PLEKHA7: variants seen among roughly 807,000 people sequenced by gnomAD.
The protein encoded by PLEKHA7 is pleckstrin homology domain containing A7, also known as pleckstrin homology domain-containing family A member 7.
PLEKHA7 carries 104 observed loss-of-function variants against 170.0 expected under a neutral mutation model. The ratio of observed to expected loss-of-function variants is 0.61; its 90% CI spans 0.52 to 0.72. The LOEUF is 0.72. Ranked by LOEUF, PLEKHA7 falls within the 30% of genes least tolerant of loss-of-function variation. The probability of loss-of-function intolerance (pLI) is 0.00; values close to 1 mark genes in which losing one functional copy is unlikely to be tolerated. For synonymous variants in PLEKHA7, 648 were observed against 660.8 expected, an observed-to-expected ratio of 0.98 and a Z score of 0.30; for missense variants, 1,615 against 1,671.7, an observed-to-expected ratio of 0.97 and a Z score of 0.59.
intron 4 of PLEKHA7, among the ~76,000 whole-genome samples, chr11:16,858,153 T>G (rs1853625774): frequency 6.6e-6 from 1 of 152,264 alleles, no homozygotes; most frequent in South Asian, 2.1e-4. Flanking sequence ...GAAAACCATT[T>G]GTAACACTTG....
chr11:16,793,269 A>T (rs1057083947), intron 19 of PLEKHA7, among the ~76,000 whole-genome samples: 3 of 152,242 alleles, frequency 2.0e-5, no homozygotes, highest in Admixed American at 6.5e-5. Context: ...GTTGGCAGCC[A>T]TCTGCCCCAG....
At chr11:17,004,759 A>G (rs564603265) in intron 3 of PLEKHA7, among the ~76,000 whole-genome samples, 36 of 152,328 alleles carry the variant, frequency 2.4e-4, no homozygotes, top group African/African-American at 8.7e-4. Context: ...AAAAAATGCA[A>G]TAATTATGGG....
At chr11:16,944,372 C>T (rs1457599278) in intron 3 of PLEKHA7, among the ~76,000 whole-genome samples, 12 of 143,344 alleles carry the variant, frequency 8.4e-5, no homozygotes, top group Middle Eastern at 7.7e-3. Flanking sequence ...ATAAGCCGGG[C>T]GCGGTGGCAC....
chr11:16,892,062 T>C (rs1856654500), intron 3 of PLEKHA7, among the ~76,000 whole-genome samples: 2 of 152,134 alleles, frequency 1.3e-5, no homozygotes, highest in Non-Finnish European at 2.9e-5. Context: ...TGCCTTCCAT[T>C]GGTGGAAGTT....
At chr11:17,012,350 T>C (rs969757199) in intron 3 of PLEKHA7, among the ~76,000 whole-genome samples, 1 of 152,238 alleles carries the variant, frequency 6.6e-6, no homozygotes, top group Non-Finnish European at 1.5e-5. Flanking sequence ...CCAGCCTTCC[T>C]GCTCCTTAAA....
chr11:16,816,139 G>C (rs1849734895), intron 12 of PLEKHA7, 39 bp downstream of exon 12: 2 of 1,519,602 alleles, frequency 1.3e-6, no homozygotes, highest in Non-Finnish European at 9.1e-7. Context: ...ATGTTGATGA[G>C]ATAGGGCTTT....
At chr11:16,803,441 C>T (rs1472011502) in intron 13 of PLEKHA7, 146 bp from the exon 14 acceptor site, 13 of 751,568 alleles carry the variant, frequency 1.7e-5, no homozygotes, top group Non-Finnish European at 2.8e-5. Flanking sequence ...AAACTTGGGC[C>T]ATACTTCGCT....
chr11:16,811,538 C>T (rs1309024151), intron 13 of PLEKHA7, among the ~76,000 whole-genome samples: 1 of 152,170 alleles, frequency 6.6e-6, no homozygotes, highest in Non-Finnish European at 1.5e-5. Flanking sequence ...GGGAACAACC[C>T]TGTCTGTCCC....
intron 3 of PLEKHA7, among the ~76,000 whole-genome samples, chr11:16,979,583 A>C (rs34207405): frequency 0.063 from 9,518 of 152,212 alleles, 439 homozygotes; most frequent in East Asian, 0.14. Context: ...AGCTCCCTGA[A>C]ACTAAAATTT....
intron 4 of PLEKHA7, among the ~76,000 whole-genome samples, chr11:16,858,653 T>C (rs1039422329): frequency 2.0e-5 from 3 of 152,080 alleles, no homozygotes; most frequent in African/African-American, 7.2e-5. Context: ...CCACCACACC[T>C]GGCTAATTTT....
Position 16,790,999 on chromosome 11 carries a change from TC to T in PLEKHA7, c.2934+11del. 6.2e-7 allele frequency: 1 copy of T among 1,613,190 alleles called. No homozygotes were observed. Among genetic ancestry groups the T allele is most frequent in the South Asian group, 1.1e-5 (1 of 91,060 alleles). On this transcript the variant is annotated intron_variant, in intron 20 of 26. Transcript: ENST00000531066. ...CACATGTAGAGTGGCAGCCCCAGGG[TC>T]CCCCGCTCACCCTGGAATCCCCATT...
chr11:16,999,175 T>G (rs1486947143), intron 3 of PLEKHA7, among the ~76,000 whole-genome samples: 1 of 152,046 alleles, frequency 6.6e-6, no homozygotes, highest in Non-Finnish European at 1.5e-5. Context: ...AACTGCAATG[T>G]CAGACATCTC....
At chr11:16,993,338 GGGCA>G (rs1315601862) in intron 3 of PLEKHA7, among the ~76,000 whole-genome samples, 4 of 152,072 alleles carry the variant, frequency 2.6e-5, no homozygotes, top group Non-Finnish European at 5.9e-5. Context: ...GCAGAGTGGG[GGGCA>G]GGCAGGAAAC....
chr11:16,854,416 T>C (rs1853254513), intron 6 of PLEKHA7, among the ~76,000 whole-genome samples: 1 of 152,136 alleles, frequency 6.6e-6, no homozygotes, highest in Non-Finnish European at 1.5e-5. Flanking sequence ...CTTGGGGAAA[T>C]GGCAGGCCAA....
At chr11:16,846,714 C>A (rs920599709) in intron 8 of PLEKHA7, among the ~76,000 whole-genome samples, 2 of 152,130 alleles carry the variant, frequency 1.3e-5, no homozygotes, top group Admixed American at 1.3e-4. Flanking sequence ...TCTTCTTCCT[C>A]CCTCCCCATC....
At chr11:16,953,738 C>T (rs986791327) in intron 3 of PLEKHA7, among the ~76,000 whole-genome samples, 4 of 152,170 alleles carry the variant, frequency 2.6e-5, no homozygotes, top group African/African-American at 9.7e-5. Flanking sequence ...ACTTGGTTGA[C>T]TGGAAAGGGC....
rs1200892146 is a variant in PLEKHA7, at chr11:16,813,096, A to AC, written c.2007+16dup. Reference sequence around the variant, plus strand: ...AGGTGAGTATGCAAGGAAGGCAGGAACCCTGATGTCACTTACCTTTAGATC... The same window carrying AC: ...AGGTGAGTATGCAAGGAAGGCAGGAACCCCTGATGTCACTTACCTTTAGATC... On this transcript the variant is annotated intron_variant, in intron 13 of 26. Coordinates refer to ENST00000531066, the MANE Select transcript of PLEKHA7 (RefSeq NM_001329630.2). The AC allele has an allele frequency of 6.2e-7, 1 of 1,610,654 alleles. No individual in the cohort carries two copies. The highest frequency in any genetic ancestry group is 8.5e-7 in the Non-Finnish European group (1 of 1,177,028).
intron 8 of PLEKHA7, among the ~76,000 whole-genome samples, chr11:16,842,976 C>G (rs530223173): frequency 6.6e-6 from 1 of 152,344 alleles, no homozygotes; most frequent in Admixed American, 6.5e-5. Flanking sequence ...CTTACCATTA[C>G]CTGATGCTAT....
intron 26 of PLEKHA7, among the ~76,000 whole-genome samples, chr11:16,782,112 C>T (rs1167349568): frequency 6.6e-6 from 1 of 151,874 alleles, no homozygotes; most frequent in Admixed American, 6.6e-5. Flanking sequence ...CACACACAGA[C>T]ACACAGACAC....
Sources: allele counts gnomAD v4.1 joint callset (sites outside exome capture counted in the v4.1 genomes callset), GRCh38; gene constraint gnomAD v4.1.1; transcripts MANE v1.5; gene names NCBI Gene and HGNC (gene_info 2026-07-23, HGNC 2026-07-21).